CLN6: variants seen among roughly 807,000 people sequenced by gnomAD.
CLN6 encodes the protein ceroid-lipofuscinosis neuronal protein 6.
A neutral mutation model predicts 33.3 loss-of-function variants in CLN6; 22 were observed. That is an observed-to-expected ratio of 0.66 (90% CI 0.47 to 0.94). The LOEUF (loss-of-function observed/expected upper bound fraction) is 0.94, where lower values mean the gene tolerates loss of function less well. Ranked by LOEUF, CLN6 falls within the 40% of genes least tolerant of loss-of-function variation. The pLI is 0.00. For missense variants in CLN6, 387 were observed against 417.1 expected, an observed-to-expected ratio of 0.93 and a Z score of 0.63; for synonymous variants, 201 against 174.6, an observed-to-expected ratio of 1.15 and a Z score of -1.19.
intron 1 of CLN6, among the ~76,000 whole-genome samples, chr15:68,245,694 G>A (rs543465673): frequency 1.2e-4 from 18 of 152,080 alleles, no homozygotes; most frequent in Non-Finnish European, 1.6e-4. Context: ...AAGTTTAATT[G>A]GAGAATTCAG....
At chr15:68,226,337 G>A (rs1305376596) in intron 1 of CLN6, among the ~76,000 whole-genome samples, 3 of 141,630 alleles carry the variant, frequency 2.1e-5, no homozygotes, top group African/African-American at 5.7e-5. Context: ...AAAAAAAAAA[G>A]AGTCTGGACT....
intron 1 of CLN6, chr15:68,254,718 C>G: frequency 1.3e-6 from 1 of 751,336 alleles, no homozygotes; most frequent in Admixed American, 1.7e-5. Flanking sequence ...ACGAGGTTTT[C>G]TGCTAAACCT....
intron 1 of CLN6, chr15:68,254,648 G>A (rs1342070265): frequency 5.8e-6 from 4 of 692,412 alleles, no homozygotes; most frequent in Admixed American, 2.1e-5. Context: ...CAGGAGAAAG[G>A]CTGAAGGTGA....
intron 2 of CLN6, chr15:68,218,228 G>C (rs2093225922): frequency 5.8e-6 from 2 of 344,958 alleles, no homozygotes; most frequent in Non-Finnish European, 5.7e-6. Flanking sequence ...TTGGTGATTT[G>C]GTTCAACCTG....
upstream of CLN6, among the ~76,000 whole-genome samples, chr15:68,232,807 C>G (rs903890851): frequency 4.6e-5 from 7 of 152,126 alleles, no homozygotes; most frequent in Admixed American, 1.3e-4. The surrounding 1 kb of genome is among the most constrained non-coding windows in gnomAD (Gnocchi z 4.7). Context: ...GTTGGGAGGC[C>G]AAGGTGGGTG....
At chr15:68,214,251 T>C (rs573090657) in intron 3 of CLN6, 39 bp downstream of exon 3, 9 of 1,453,204 alleles carry the variant, frequency 6.2e-6, no homozygotes, top group Middle Eastern at 1.7e-4. Flanking sequence ...GTGCAAAGAA[T>C]GGGGATGACA....
chr15:68,240,999 A>C (rs1338191995), intron 1 of CLN6, among the ~76,000 whole-genome samples: 4 of 146,078 alleles, frequency 2.7e-5, no homozygotes, highest in Non-Finnish European at 6.0e-5. Flanking sequence ...AAAAAAAAAC[A>C]AAAAAAAAAA....
intron 1 of CLN6, among the ~76,000 whole-genome samples, chr15:68,235,156 G>T (rs886433593): frequency 6.6e-6 from 1 of 152,148 alleles, no homozygotes; most frequent in Non-Finnish European, 1.5e-5. Context: ...AAGGGATAGC[G>T]CTAACCTTGG....
intron 1 of CLN6, among the ~76,000 whole-genome samples, chr15:68,223,963 T>C (rs1390870577): frequency 6.6e-6 from 1 of 151,708 alleles, no homozygotes. Context: ...GGACAATCAC[T>C]TAAACCTGGG....
chr15:68,251,618 T>G (rs373523351), intron 1 of CLN6, among the ~76,000 whole-genome samples: 1 of 152,012 alleles, frequency 6.6e-6, no homozygotes, highest in South Asian at 2.1e-4. Flanking sequence ...GAGGTTGCAG[T>G]GAACCAAGAT....
At position 68,256,875 on chromosome 15, in the gene CLN6, C is replaced by T. The variant is rs1391056964; in HGVS notation, c.-7G>A. On this transcript the variant is annotated 5_prime_UTR_variant, in exon 1 of 7. Coordinates refer to the CLN6 transcript ENST00000538696. The surrounding 1 kb of genome is among the most constrained non-coding windows in gnomAD (Gnocchi z 4.1). ...TCCCGGCAACGGCTGCCATTTTCCG[C>T]CCAGGCAAGGTCCTGGGCGCGGCTC... The T allele has an allele frequency of 1.8e-5, 12 of 679,912 alleles. No homozygotes were observed. The highest frequency in any genetic ancestry group is 3.2e-5 in the Non-Finnish European group (12 of 373,850). The allele number at this position is 679,912 out of a possible 1,614,324, so 42.1% of individuals were successfully genotyped here.
intron 1 of CLN6, 80 bp downstream of exon 1, chr15:68,229,422 C>T: frequency 8.5e-7 from 1 of 1,173,980 alleles, no homozygotes; most frequent in Non-Finnish European, 1.2e-6. Flanking sequence ...GCCCGGCAGC[C>T]CTAGGAGCGT....
chr15:68,255,745 A>C (rs182202225), intron 1 of CLN6, among the ~76,000 whole-genome samples: 1 of 152,196 alleles, frequency 6.6e-6, no homozygotes, highest in Admixed American at 6.5e-5. Context: ...TATTTTGTAT[A>C]TGTTTGGTTA....
upstream of CLN6, among the ~76,000 whole-genome samples, chr15:68,232,692 T>C (rs1454280759): frequency 6.6e-6 from 1 of 152,136 alleles, no homozygotes; most frequent in Non-Finnish European, 1.5e-5. This position sits in a 1 kb window ranked among gnomAD's most constrained non-coding sequence, Gnocchi z 4.7. Context: ...TAAATTTTTC[T>C]CTCTTCCTCT....
At position 68,209,580 on chromosome 15, in the gene CLN6, T is replaced by C; in HGVS notation, c.665+57A>G. 1.2e-6 allele frequency: 2 copies of C among 1,605,374 alleles called. No homozygotes were observed. The highest frequency in any genetic ancestry group is 2.7e-5 in the African/African-American group (2 of 74,934). On this transcript the variant is annotated intron_variant, in intron 6 of 6. Coordinates refer to ENST00000249806, the MANE Select transcript of CLN6 (RefSeq NM_017882.3). This position sits in a 1 kb window ranked among gnomAD's most constrained non-coding sequence, Gnocchi z 4.9. ...AGGTCCATTGGCAAGTGCAGAATTT[T>C]GCTGCCGTGGCTCTCTCAGTGCCCC... is the stretch of plus-strand genomic sequence containing the variant.
At position 68,228,302 on chromosome 15, in the gene CLN6, C is replaced by G. The variant is rs1276687276; in HGVS notation, c.83+1200G>C. On this transcript the variant is annotated intron_variant, in intron 1 of 6. Transcript: ENST00000249806. The surrounding 1 kb of genome is among the most constrained non-coding windows in gnomAD (Gnocchi z 4.4). ...CGTACCAAAAACTTCCTAACAAGGA[C>G]TTTGCGCATGCTAGTGCTCAGAAAC... Among the ~76,000 whole-genome samples the G allele has an allele frequency of 1.3e-5, 2 of 152,208 alleles. No individual in the cohort carries two copies. Among genetic ancestry groups the G allele is most frequent in the Non-Finnish European group, 2.9e-5 (2 of 68,044 alleles).
chr15:68,244,415 G>T (rs917244645), intron 1 of CLN6, among the ~76,000 whole-genome samples: 5 of 117,404 alleles, frequency 4.3e-5, no homozygotes, highest in African/African-American at 1.4e-4. Context: ...TTTTCAAAGT[G>T]CTGAAAGAAA....
At chr15:68,234,552 A>C (rs1322678500), upstream of CLN6, among the ~76,000 whole-genome samples, 3 of 152,192 alleles carry the variant, frequency 2.0e-5, no homozygotes, top group Non-Finnish European at 4.4e-5. The surrounding 1 kb of genome is among the most constrained non-coding windows in gnomAD (Gnocchi z 4.1). Context: ...CTATAAATTC[A>C]GACCCTGCCT....
chr15:68,226,668 T>C (rs566438107), intron 1 of CLN6, among the ~76,000 whole-genome samples: 15 of 152,130 alleles, frequency 9.9e-5, no homozygotes, highest in Non-Finnish European at 2.1e-4. Flanking sequence ...GGTTTCTCCA[T>C]GTTGGTCAGG....
Sources: gnomAD v4.1 joint callset for allele counts (sites outside exome capture counted in the v4.1 genomes callset) on GRCh38, gnomAD v4.1.1 for gene constraint, Gnocchi (gnomAD v3.1) non-coding constraint, MANE v1.5 for transcripts, NCBI Gene and HGNC (gene_info 2026-07-23, HGNC 2026-07-21) for gene names.